Variants in FLG2 observed in about 807,000 individuals in gnomAD.
FLG2 encodes filaggrin 2.
FLG2 carries 7 observed loss-of-function variants against 3.9 expected under a neutral mutation model. The observed-to-expected ratio is 1.79, with a 90% CI of 1.02 to 3.36. The LOEUF (loss-of-function observed/expected upper bound fraction) is 3.36, where lower values mean the gene tolerates loss of function less well. Among genes scored for constraint, FLG2 ranks in the 30% most tolerant of loss-of-function variants. FLG2 has a pLI of 0.00. For synonymous variants in FLG2, 1,031 were observed against 1,056.1 expected (o/e 0.98, Z 0.46); for missense variants, 2,700 against 2,809.4 (o/e 0.96, Z 0.88).
Position 152,352,102 on chromosome 1 carries a change from G to C in FLG2, c.5684C>G (p.Thr1895Arg). 6.2e-7 allele frequency: 1 copy of C among 1,613,476 alleles called. No homozygotes were observed. The highest frequency in any genetic ancestry group is 1.7e-5 in the Admixed American group (1 of 59,946). Residue 1895 changes from threonine to arginine, a missense_variant, in exon 3 of 3, where the codon ACA (threonine) becomes AGA (arginine). By Grantham distance (71) the Thr-to-Arg change is moderately conservative. Coordinates refer to ENST00000388718, the MANE Select transcript of FLG2 (RefSeq NM_001014342.3). ...TTGGCTGTGTGTGTGTCCTGAATGTGTATGTGAGCCCCCTGAGTGCACTTC... is the reference window on the plus strand; with the variant it reads ...TTGGCTGTGTGTGTGTCCTGAATGTCTATGTGAGCCCCCTGAGTGCACTTC... ...DSEVHSGGSH[T>R]HSGHTHSQAR...
At chr1:152,359,253 A>G (rs1474251535) in intron 1 of FLG2, among the ~76,000 whole-genome samples, 1 of 152,194 alleles carries the variant, frequency 6.6e-6, no homozygotes, top group African/African-American at 2.4e-5. Flanking sequence ...CAAAATTTCC[A>G]GAACCAGCCA....
rs555827670 is a variant in FLG2, at chr1:152,358,251, T to G, written c.138+496A>C. On this transcript the variant is annotated intron_variant, in intron 2 of 2. Transcript: ENST00000388718. ...TTAGCCAGGATGGTCTTGATCTCCT[T>G]ACCTTGTGATTCACCCACTTCGGCC... is the stretch of plus-strand genomic sequence containing the variant. 2.6e-5 allele frequency among the ~76,000 whole-genome samples: 4 copies of G among 152,184 alleles called. No individual in the cohort carries two copies. The South Asian group carries it at 8.3e-4, about 32-fold the overall frequency.
At position 152,351,836 on chromosome 1, in the gene FLG2, G is replaced by A. The variant is rs148579744; in HGVS notation, c.5950C>T (p.Pro1984Ser). Reference sequence around the variant, plus strand: ...TCATGAACTGAGGATCCTGACTCTGGATAGTGAGATCCAGCTTGACCGTGA... The same window carrying A: ...TCATGAACTGAGGATCCTGACTCTGAATAGTGAGATCCAGCTTGACCGTGA... ...HTHGQAGSHY[P>S]ESGSSVHERH... The change falls in exon 3 of 3, where the codon CCA becomes TCA. Residue 1984 changes from proline to serine, a missense_variant. By Grantham distance (74) the Pro-to-Ser change is moderately conservative. Transcript: ENST00000388718. The A allele has an allele frequency of 5.6e-6, 9 of 1,604,138 alleles. No individual in the cohort carries two copies. Among genetic ancestry groups the A allele is most frequent in the Middle Eastern group, 1.7e-4 (1 of 6,032 alleles).
rs1653837062 is a variant in FLG2, at chr1:152,349,794, G to A, written c.*816C>T. 2 of 152,682 alleles carry A rather than the reference G, an allele frequency of 1.3e-5. No individual in the cohort carries two copies. The highest frequency in any genetic ancestry group is 2.9e-5 in the Non-Finnish European group (2 of 68,078). 9.5% of individuals were successfully genotyped at this position (152,682 alleles called of 1,614,324 possible). A position where few individuals can be genotyped will look rare whatever the true frequency, so the allele number is the denominator to read the frequency against. ...TAACCGCTGGCCTCAGAGCCTCTTTGTTTTTTGCCCACATCCTCACCGTAT... is the reference window on the plus strand; with the variant it reads ...TAACCGCTGGCCTCAGAGCCTCTTTATTTTTTGCCCACATCCTCACCGTAT... On this transcript the variant is annotated 3_prime_UTR_variant, in exon 3 of 3. Coordinates refer to ENST00000388718, the MANE Select transcript of FLG2 (RefSeq NM_001014342.3).
In FLG2 at chr1:152,354,640, G is replaced by A. The variant is rs1654120648; in HGVS notation, c.3146C>T (p.Ser1049Phe). 2 of 1,613,866 alleles carry A rather than the reference G, an allele frequency of 1.2e-6. No individual in the cohort carries two copies. The highest frequency in any genetic ancestry group is 8.5e-7 in the Non-Finnish European group (1 of 1,179,978). The change falls in exon 3 of 3, where the codon TCT becomes TTT. Residue 1049 changes from serine (S) to phenylalanine (F), a missense_variant. Physicochemically the swap from Ser to Phe is radical, Grantham distance 155. Coordinates refer to ENST00000388718, the MANE Select transcript of FLG2 (RefSeq NM_001014342.3). ...ACCAGTCCCATGTTGTCCAAAGCCA[G>A]AGGACTGATCTGAGCCTGATCCATG... ...GQHGSGSDQSSGFGQHGTGSG... is the reference protein window; with the variant it reads ...GQHGSGSDQSFGFGQHGTGSG...
intron 1 of FLG2, 128 bp from the exon 2 acceptor site, chr1:152,359,034 G>A: frequency 1.2e-6 from 1 of 817,526 alleles, no homozygotes; most frequent in South Asian, 1.9e-5. Context: ...GTAAGAATGG[G>A]CCAGGGATGA....
In FLG2 at chr1:152,357,543, C is replaced by G. The variant is rs749203353; in HGVS notation, c.243G>C (p.Leu81=). The G allele has an allele frequency of 1.2e-6, 2 of 1,614,024 alleles. No individual in the cohort carries two copies. The highest frequency in any genetic ancestry group is 2.2e-5 in the South Asian group (2 of 91,050). Residue 81 remains leucine, a synonymous_variant, in exon 3 of 3, where the codon CTG becomes CTC. Transcript: ENST00000388718. ...TGAGGACCTTGTTGCAGGCCATAGT[C>G]AGCTTGAATATCATCAAAAGAAACT... is the stretch of plus-strand genomic sequence containing the variant. ...FTEFLLMIFK[L]TMACNKVLSK... is the part of the protein sequence containing the mutation.
At position 152,356,560 on chromosome 1, in the gene FLG2, C is replaced by G; in HGVS notation, c.1226G>C (p.Ser409Thr). The G allele has an allele frequency of 6.2e-7, 1 of 1,614,156 alleles. No individual in the cohort carries two copies. The highest frequency in any genetic ancestry group is 8.5e-7 in the Non-Finnish European group (1 of 1,180,032). The change falls in exon 3 of 3, where the codon AGT becomes ACT. Residue 409 changes from serine (S) to threonine (T), a missense_variant. Coordinates refer to ENST00000388718, the MANE Select transcript of FLG2 (RefSeq NM_001014342.3). ...GSCGRFSNSS[S>T]SNEFSKCDQY... ...ATCACATTTGGAAAATTCATTTGAACTAGAAGAGTTTGAAAAGCGGCCACA... is the reference window on the plus strand; with the variant it reads ...ATCACATTTGGAAAATTCATTTGAAGTAGAAGAGTTTGAAAAGCGGCCACA...
chr1:152,356,962 C>A lies in FLG2; in HGVS notation c.824G>T (p.Arg275Met). 1 of 1,614,220 alleles carries A rather than the reference C, an allele frequency of 6.2e-7. No individual in the cohort carries two copies. The change falls in exon 3 of 3, where the codon AGG (arginine) becomes ATG (methionine). Residue 275 changes from arginine to methionine, a missense_variant. Coordinates refer to ENST00000388718, the MANE Select transcript of FLG2 (RefSeq NM_001014342.3). The stretch of plus-strand genomic sequence containing the variant: ...GCTATAACCACATGCATGACTTCGC[C>A]TCCCACTGTCTCCTGAACCTGAACA... ...SSCSGSGDSG[R>M]RSHACGYSNS... is the part of the protein sequence containing the mutation.
In FLG2 at chr1:152,352,366, C is replaced by T. The variant is rs767844231; in HGVS notation, c.5420G>A (p.Ser1807Asn). Reference sequence around the variant, plus strand: ...GAACCCTGAGTGCCCTTCACTGTCACTGTACTCACTGTGGCCAGATGACCT... The same window carrying T: ...GAACCCTGAGTGCCCTTCACTGTCATTGTACTCACTGTGGCCAGATGACCT... ...GRRSSGHSEY[S>N]DSEGHSGFSQ... The change falls in exon 3 of 3, where the codon AGT (serine) becomes AAT (asparagine). Residue 1807 changes from serine (S) to asparagine (N), a missense_variant. Physicochemically the swap from Ser to Asn is conservative, Grantham distance 46. Transcript: ENST00000388718. 1.9e-6 allele frequency: 3 copies of T among 1,613,564 alleles called. No homozygotes were observed. Among genetic ancestry groups the T allele is most frequent in the South Asian group, 2.2e-5 (2 of 91,032 alleles).
Position 152,357,238 on chromosome 1 carries a change from C to CT in FLG2, c.547dup (p.Arg183LysfsTer32). 6.2e-7 allele frequency: 1 copy of CT among 1,614,210 alleles called. No homozygotes were observed. Among genetic ancestry groups the CT allele is most frequent in the Non-Finnish European group, 8.5e-7 (1 of 1,180,040 alleles). On this transcript the variant is annotated frameshift_variant, in exon 3 of 3. Transcript: ENST00000388718. LOFTEE classifies it low-confidence loss of function (END_TRUNC). ...ACTCCATGAATGACCACAGCTGGAC[C>CT]TGTGGTATCTTTTCTGAGATCCCTC...
intron 1 of FLG2, 53 bp from the exon 2 acceptor site, chr1:152,358,959 G>A (rs1654353236): frequency 6.9e-7 from 1 of 1,452,666 alleles, no homozygotes; most frequent in Admixed American, 2.5e-5. Context: ...CCTTTTATCA[G>A]CAATTTTCAT....
rs1190181078 is a variant in FLG2 at position 152,356,155 on chromosome 1, C to T, written c.1631G>A (p.Gly544Asp). Residue 544 changes from glycine (G) to aspartate (D), a missense_variant, in exon 3 of 3, where the codon GGC (glycine) becomes GAC (aspartate). Transcript: ENST00000388718. ...TTGACTTGAGCCAGAACCATGTTGG[C>T]CATAGCTAGACTGACGTGATCTAGA... Reference protein sequence around the residue: ...HESRSRQSSYGQHGSGSSQSS... With the variant: ...HESRSRQSSYDQHGSGSSQSS... 4 of 1,613,880 alleles carry T rather than the reference C, an allele frequency of 2.5e-6. No individual in the cohort carries two copies. The East Asian group carries it at 8.9e-5, about 36-fold the overall frequency.
Position 152,357,277 on chromosome 1 carries a change from C to T in FLG2, c.509G>A (p.Ser170Asn). The change falls in exon 3 of 3, where the codon AGC becomes AAC. Residue 170 changes from serine to asparagine, a missense_variant. Ser to Asn is a conservative substitution (Grantham distance 46). Transcript: ENST00000388718. ...RRLGRQGNLS[S>N]SGNQEGSQKR... ...CTGAGATCCCTCTTGGTTCCCAGAGCTGGATAAATTACCTTGTCTTCCTAG... is the reference window on the plus strand; with the variant it reads ...CTGAGATCCCTCTTGGTTCCCAGAGTTGGATAAATTACCTTGTCTTCCTAG... The T allele has an allele frequency of 2.5e-6, 4 of 1,614,140 alleles. No homozygotes were observed. Among genetic ancestry groups the T allele is most frequent in the Non-Finnish European group, 3.4e-6 (4 of 1,180,024 alleles).
Position 152,350,660 on chromosome 1 carries a change from G to C in FLG2, c.7126C>G (p.Leu2376Val), listed in dbSNP as rs373329495. ...GCAGTGCTGTCTGTTGACCATGAAA[G>C]GTGAGAATTACTGATGCTTTTTCTG... ...GSRKSISNSH[L>V]SWSTDSTANK... Residue 2376 changes from leucine (L) to valine (V), a missense_variant, in exon 3 of 3, where the codon CTT becomes GTT. Coordinates refer to ENST00000388718, the MANE Select transcript of FLG2 (RefSeq NM_001014342.3). The C allele has an allele frequency of 3.1e-6, 5 of 1,614,138 alleles. No homozygotes were observed. Among genetic ancestry groups the C allele is most frequent in the Non-Finnish European group, 4.2e-6 (5 of 1,180,012 alleles).
At position 152,349,319 on chromosome 1, in the gene FLG2, G is replaced by A. The variant is rs1653816946; in HGVS notation, c.*1291C>T. On this transcript the variant is annotated 3_prime_UTR_variant, in exon 3 of 3. Transcript: ENST00000388718. The stretch of plus-strand genomic sequence containing the variant: ...CCGCTACTGCACCCAGCTAATTTTT[G>A]TATTTTTAGTAGAGACGGGATTTCA... 1 of 152,034 alleles carries A rather than the reference G, an allele frequency of 6.6e-6. No individual in the cohort carries two copies. Among genetic ancestry groups the A allele is most frequent in the Non-Finnish European group, 1.5e-5 (1 of 68,024 alleles). 9.4% of individuals were successfully genotyped at this position (152,034 alleles called of 1,614,324 possible).
In FLG2 at chr1:152,354,239, C is replaced by A. The variant is rs138753730; in HGVS notation, c.3547G>T (p.Val1183Leu). The A allele has an allele frequency of 5.1e-4, 822 of 1,613,962 alleles. No individual in the cohort carries two copies. Among genetic ancestry groups the A allele is most frequent in the Non-Finnish European group, 6.7e-4 (786 of 1,179,894 alleles). Residue 1183 changes from valine to leucine, a missense_variant, in exon 3 of 3, where the codon GTG becomes TTG. By Grantham distance (32) the Val-to-Leu change is conservative (BLOSUM62 1). Transcript: ENST00000388718. ...SGPTTSFGQH[V>L]SGSDNFSSSG... ...CTAGAGAAATTGTCTGAGCCAGACA[C>A]ATGCTGTCCAAAACTTGTGGTTGGA...
Position 152,351,366 on chromosome 1 carries a change from A to G in FLG2, c.6420T>C (p.Ile2140=). 6.2e-7 allele frequency: 1 copy of G among 1,613,334 alleles called. No individual in the cohort carries two copies. The highest frequency in any genetic ancestry group is 8.5e-7 in the Non-Finnish European group (1 of 1,179,914). ...CATGTATAGTTCCCTGTCTCCCGTG[A>G]ATGGCAGATCCTGACTCTCCATGTT... ...RSQHGESGSA[I]HGRQGTIHGQ... Residue 2140 remains isoleucine, a synonymous_variant, in exon 3 of 3, where the codon ATT becomes ATC. Transcript: ENST00000388718.
chr1:152,350,782 C>A lies in FLG2; in HGVS notation c.7004G>T (p.Arg2335Met). 1 of 1,614,210 alleles carries A rather than the reference C, an allele frequency of 6.2e-7. No individual in the cohort carries two copies. Among genetic ancestry groups the A allele is most frequent in the East Asian group, 2.2e-5 (1 of 44,880 alleles). The change falls in exon 3 of 3, where the codon AGG (arginine) becomes ATG (methionine). Residue 2335 changes from arginine to methionine, a missense_variant. Physicochemically the swap from Arg to Met is moderately conservative, Grantham distance 91. Coordinates refer to ENST00000388718, the MANE Select transcript of FLG2 (RefSeq NM_001014342.3). ...ASHFQSHSSERQRHGSSQVWK... is the reference protein window; with the variant it reads ...ASHFQSHSSEMQRHGSSQVWK... ...AACCTGACTTGATCCATGCCTTTGC[C>A]TTTCACTACTATGTGACTGAAAATG...
Sources: allele counts gnomAD v4.1 joint callset (sites outside exome capture counted in the v4.1 genomes callset), GRCh38; gene constraint gnomAD v4.1.1; transcripts MANE v1.5; gene names NCBI Gene and HGNC (gene_info 2026-07-23, HGNC 2026-07-21).